Variants in EEA1 observed in about 807,000 individuals in gnomAD.
EEA1 encodes the protein early endosome antigen 1.
Under a neutral mutation model 209.2 loss-of-function variants are expected in EEA1, and 111 were observed. That is an observed-to-expected ratio of 0.53 (90% CI 0.45 to 0.62). EEA1 has a LOEUF of 0.62. EEA1 is among the 20% of genes least tolerant of loss of function. EEA1 has a pLI of 0.00. For synonymous variants in EEA1, 536 were observed against 540.6 expected, an observed-to-expected ratio of 0.99 and a Z score of 0.12; for missense variants, 1,343 against 1,530.8, an observed-to-expected ratio of 0.88 and a Z score of 2.05.
At chr12:92,915,425 T>C (rs1388125591) in intron 1 of EEA1, among the ~76,000 whole-genome samples, 1 of 152,176 alleles carries the variant, frequency 6.6e-6, no homozygotes, top group Non-Finnish European at 1.5e-5. Context: ...GCCGTGATCA[T>C]GCTACTTGCA....
Position 92,772,712 on chromosome 12 carries a change from C to T in EEA1, c.*3299G>A, listed in dbSNP as rs1003718869. ...AGCTAACCTTTCTCACAAAGTAAGG[C>T]ACAACTACATGATCACAAGTAGTAA... On this transcript the variant is annotated 3_prime_UTR_variant, in exon 29 of 29. Transcript: ENST00000322349. 1.3e-5 allele frequency: 2 copies of T among 152,144 alleles called. No homozygotes were observed. The highest frequency in any genetic ancestry group is 4.8e-5 in the African/African-American group (2 of 41,406). The allele number at this position is 152,144 out of a possible 1,614,324, so 9.4% of individuals were successfully genotyped here.
At chr12:92,877,458 G>C (rs769243750) in intron 2 of EEA1, among the ~76,000 whole-genome samples, 1 of 152,144 alleles carries the variant, frequency 6.6e-6, no homozygotes, top group Admixed American at 6.5e-5. Context: ...TAACAGAATG[G>C]ATTAAAATTA....
intron 2 of EEA1, among the ~76,000 whole-genome samples, chr12:92,866,022 TA>T (rs1426039176): frequency 6.6e-6 from 1 of 151,742 alleles, no homozygotes; most frequent in East Asian, 1.9e-4. Context: ...GCATTGGGAT[TA>T]CAGGCATGAG....
At chr12:92,928,596 T>C (rs1281465249) in intron 1 of EEA1, among the ~76,000 whole-genome samples, 1 of 151,916 alleles carries the variant, frequency 6.6e-6, no homozygotes, top group Non-Finnish European at 1.5e-5. Flanking sequence ...TCGTGTCAAA[T>C]TGGGGGGCAC....
chr12:92,850,526 C>A (rs1485371653), intron 9 of EEA1, among the ~76,000 whole-genome samples: 2 of 151,734 alleles, frequency 1.3e-5, no homozygotes, highest in Non-Finnish European at 2.9e-5. Flanking sequence ...CCCATCTCTA[C>A]TAAAAATACA....
Position 92,774,722 on chromosome 12 carries a change from T to C in EEA1, c.*1289A>G, listed in dbSNP as rs1873582284. The C allele has an allele frequency of 6.6e-6, 1 of 151,698 alleles. No homozygotes were observed. Among genetic ancestry groups the C allele is most frequent in the Non-Finnish European group, 1.5e-5 (1 of 67,648 alleles). 9.4% of individuals were successfully genotyped at this position (151,698 alleles called of 1,614,324 possible). On this transcript the variant is annotated 3_prime_UTR_variant, in exon 29 of 29. Transcript: ENST00000322349. ...TCCTAAATACATTTGTTTTTGGTGATACTCTATTTCTAGGTGTTAGTTACT... is the reference window on the plus strand; with the variant it reads ...TCCTAAATACATTTGTTTTTGGTGACACTCTATTTCTAGGTGTTAGTTACT...
intron 11 of EEA1, among the ~76,000 whole-genome samples, chr12:92,831,378 A>G (rs1374445180): frequency 2.0e-5 from 3 of 151,148 alleles, no homozygotes; most frequent in Non-Finnish European, 4.4e-5. Flanking sequence ...CTATATTATT[A>G]ACCTATACAA....
At chr12:92,822,248 C>T (rs750459953) in intron 13 of EEA1, among the ~76,000 whole-genome samples, 1 of 152,038 alleles carries the variant, frequency 6.6e-6, no homozygotes, top group Non-Finnish European at 1.5e-5. Context: ...CCAGGTCTCT[C>T]GTATTCTCAA....
chr12:92,822,497 G>A (rs1052308266), intron 13 of EEA1, among the ~76,000 whole-genome samples: 8 of 151,574 alleles, frequency 5.3e-5, no homozygotes, highest in African/African-American at 1.2e-4. Flanking sequence ...ACTGAGCATC[G>A]CCACCACACA....
chr12:92,858,247 G>C (rs1877975222), intron 3 of EEA1: 3 of 727,482 alleles, frequency 4.1e-6, no homozygotes, highest in Non-Finnish European at 5.2e-6. Flanking sequence ...AAAGTAGCTT[G>C]TGAAACTGTT....
chr12:92,868,307 T>C (rs1878490823), intron 2 of EEA1, among the ~76,000 whole-genome samples: 1 of 152,228 alleles, frequency 6.6e-6, no homozygotes, highest in African/African-American at 2.4e-5. Flanking sequence ...CCCACTGTTG[T>C]ACAACACTAG....
At chr12:92,780,231 A>G in intron 24 of EEA1, 49 bp downstream of exon 24, 2 of 1,549,460 alleles carry the variant, frequency 1.3e-6, no homozygotes, top group African/African-American at 1.4e-5. Context: ...ATATTTCTTT[A>G]AAGAGCAATA....
chr12:92,819,787 T>C (rs1290681862), intron 13 of EEA1, among the ~76,000 whole-genome samples: 2 of 152,130 alleles, frequency 1.3e-5, no homozygotes, highest in Admixed American at 1.3e-4. Context: ...TACTACTCTT[T>C]TTCTGACCCT....
At chr12:92,818,942 A>T (rs1279599768) in intron 14 of EEA1, among the ~76,000 whole-genome samples, 1 of 152,216 alleles carries the variant, frequency 6.6e-6, no homozygotes. Flanking sequence ...TAATATCTTC[A>T]ATTTATGAAT....
chr12:92,781,885 A>C (rs1374125966), intron 23 of EEA1, 65 bp downstream of exon 23: 13 of 1,448,718 alleles, frequency 9.0e-6, no homozygotes, highest in Non-Finnish European at 1.2e-5. Context: ...AAGAGGTTTG[A>C]CTGGATGATC....
intron 2 of EEA1, chr12:92,884,225 T>C: frequency 1.3e-6 from 2 of 1,516,182 alleles, no homozygotes; most frequent in Non-Finnish European, 1.8e-6. Flanking sequence ...CTTTGTAACC[T>C]TTGACGACCA....
intron 2 of EEA1, among the ~76,000 whole-genome samples, chr12:92,871,677 G>T (rs1878656590): frequency 2.0e-5 from 3 of 152,136 alleles, no homozygotes; most frequent in African/African-American, 7.2e-5. Context: ...CTGTACAAAA[G>T]GTGAAAATCT....
At chr12:92,868,358 T>C (rs1008174149) in intron 2 of EEA1, among the ~76,000 whole-genome samples, 1 of 152,236 alleles carries the variant, frequency 6.6e-6, no homozygotes, top group Non-Finnish European at 1.5e-5. Context: ...ACCCATATAA[T>C]GTTTAGCCTG....
At position 92,772,352 on chromosome 12, in the gene EEA1, G is replaced by A. The variant is rs1053193324; in HGVS notation, c.*3659C>T. On this transcript the variant is annotated 3_prime_UTR_variant, in exon 29 of 29. Coordinates refer to ENST00000322349, the MANE Select transcript of EEA1 (RefSeq NM_003566.4). ...GCATTAATAATTTCTCTTGAGATCA[G>A]GAATTTAATTACTATTCGAAATTGA... The A allele has an allele frequency of 2.0e-5, 3 of 151,618 alleles. No homozygotes were observed. Among genetic ancestry groups the A allele is most frequent in the Non-Finnish European group, 4.4e-5 (3 of 67,760 alleles). 9.4% of individuals were successfully genotyped at this position (151,618 alleles called of 1,614,324 possible). A position where few individuals can be genotyped will look rare whatever the true frequency, so the allele number is the denominator to read the frequency against.
Sources: allele counts gnomAD v4.1 joint callset (sites outside exome capture counted in the v4.1 genomes callset), GRCh38; gene constraint gnomAD v4.1.1; transcripts MANE v1.5; gene names NCBI Gene and HGNC (gene_info 2026-07-23, HGNC 2026-07-21).